The following CTNNA3 variants were observed in gnomAD, a reference collection of about 807,000 sequenced individuals.
CTNNA3 encodes the protein catenin alpha 3.
A neutral mutation model predicts 95.7 loss-of-function variants in CTNNA3; 76 were observed. The observed-to-expected ratio is 0.79, with a 90% CI of 0.66 to 0.96. The LOEUF (loss-of-function observed/expected upper bound fraction) is 0.96, where lower values mean the gene tolerates loss of function less well. Ranked by LOEUF, CTNNA3 falls within the 40% of genes least tolerant of loss-of-function variation. The probability of loss-of-function intolerance (pLI) is 0.00; values close to 1 mark genes in which losing one functional copy is unlikely to be tolerated. For synonymous variants in CTNNA3, 431 were observed against 374.4 expected (o/e 1.15, Z -1.74); for missense variants, 1,191 against 1,089.8 (o/e 1.09, Z -1.31).
chr10:66,094,487 A>C (rs1042744989), intron 14 of CTNNA3, among the ~76,000 whole-genome samples: 2 of 152,122 alleles, frequency 1.3e-5, no homozygotes, highest in African/African-American at 2.4e-5. Context: ...GGCAGGAGAC[A>C]AGTTAGGAAC....
intron 5 of CTNNA3, among the ~76,000 whole-genome samples, chr10:67,465,431 AGAGGAAAACGAT>A (rs1319285600): frequency 6.6e-6 from 1 of 152,164 alleles, no homozygotes; most frequent in Admixed American, 6.5e-5. Flanking sequence ...AAAGGAAAAG[AGAGGAAAACGAT>A]GAGGCTAGAA....
At chr10:66,154,718 T>TTATATATATATATATATATATATATA (rs1564706824) in intron 13 of CTNNA3, among the ~76,000 whole-genome samples, 13 of 16,404 alleles carry the variant, frequency 7.9e-4, no homozygotes, top group African/African-American at 2.5e-3. Context: ...TTGAAAAAGT[T>TTATATATATATATATATATATATATA]CATATATATA....
chr10:67,739,167 A>T (rs1010700423), intron 1 of CTNNA3, among the ~76,000 whole-genome samples: 41 of 152,274 alleles, frequency 2.7e-4, no homozygotes, highest in Middle Eastern at 3.4e-3. Flanking sequence ...GAAATGAAGG[A>T]AAAAATGGTA....
At chr10:66,886,550 T>C (rs1049454017) in intron 7 of CTNNA3, among the ~76,000 whole-genome samples, 1 of 152,172 alleles carries the variant, frequency 6.6e-6, no homozygotes, top group Admixed American at 6.5e-5. Context: ...TTCACTGTTA[T>C]CTGCTCATAG....
chr10:67,297,488 T>A (rs1033401464), intron 5 of CTNNA3, among the ~76,000 whole-genome samples: 2 of 152,214 alleles, frequency 1.3e-5, no homozygotes, highest in African/African-American at 4.8e-5. Flanking sequence ...CTGCATAGGT[T>A]ACACCTATCC....
intron 7 of CTNNA3, among the ~76,000 whole-genome samples, chr10:66,785,484 G>A (rs1840705740): frequency 1.3e-5 from 2 of 152,144 alleles, no homozygotes; most frequent in East Asian, 3.9e-4. Flanking sequence ...CTCTTCTCCA[G>A]CTGTGACATG....
At chr10:66,425,346 T>G (rs1044429049) in intron 11 of CTNNA3, among the ~76,000 whole-genome samples, 1 of 151,974 alleles carries the variant, frequency 6.6e-6, no homozygotes, top group Non-Finnish European at 1.5e-5. Context: ...TTTAAACTGA[T>G]CTCTATGATC....
intron 11 of CTNNA3, among the ~76,000 whole-genome samples, chr10:66,484,555 G>T (rs566607115): frequency 6.6e-6 from 1 of 152,100 alleles, no homozygotes; most frequent in African/African-American, 2.4e-5. Flanking sequence ...AACAGAGAAA[G>T]ATATGCAATC....
chr10:67,509,715 G>C (rs944640789), intron 5 of CTNNA3, among the ~76,000 whole-genome samples: 1 of 152,140 alleles, frequency 6.6e-6, no homozygotes, highest in African/African-American at 2.4e-5. Context: ...CCAGTAATGG[G>C]GTTGCTGGAT....
chr10:66,358,035 A>G (rs1217944603), intron 12 of CTNNA3, among the ~76,000 whole-genome samples: 1 of 152,180 alleles, frequency 6.6e-6, no homozygotes, highest in Non-Finnish European at 1.5e-5. Flanking sequence ...GTATGTGCAT[A>G]GACGTGTTTG....
intron 2 of CTNNA3, among the ~76,000 whole-genome samples, chr10:67,619,596 T>A (rs961459346): frequency 6.6e-6 from 1 of 152,200 alleles, no homozygotes; most frequent in Non-Finnish European, 1.5e-5. Flanking sequence ...ATAGACTAGA[T>A]CACAGTTTTA....
chr10:66,114,897 A>G (rs929109260), intron 13 of CTNNA3, among the ~76,000 whole-genome samples: 1 of 151,946 alleles, frequency 6.6e-6, no homozygotes, highest in African/African-American at 2.4e-5. Flanking sequence ...AAAGAAAAAG[A>G]AAAAGTAAAA....
intron 7 of CTNNA3, among the ~76,000 whole-genome samples, chr10:67,066,014 T>A (rs1015210336): frequency 1.3e-5 from 2 of 152,046 alleles, no homozygotes; most frequent in African/African-American, 4.8e-5. Context: ...TTATTAGAAA[T>A]AATAATTGCT....
intron 11 of CTNNA3, among the ~76,000 whole-genome samples, chr10:66,504,011 C>A (rs1037443212): frequency 2.0e-5 from 3 of 151,938 alleles, no homozygotes; most frequent in Non-Finnish European, 1.5e-5. Context: ...CTAAATCAAG[C>A]GAATTAACAT....
chr10:66,056,675 T>A (rs1450832916), intron 15 of CTNNA3, among the ~76,000 whole-genome samples: 1 of 152,196 alleles, frequency 6.6e-6, no homozygotes, highest in Non-Finnish European at 1.5e-5. Flanking sequence ...ATTTCTTTTA[T>A]GGGAGACTTC....
chr10:66,748,989 T>G (rs1275711134), intron 9 of CTNNA3, among the ~76,000 whole-genome samples: 1 of 149,644 alleles, frequency 6.7e-6, no homozygotes, highest in Non-Finnish European at 1.5e-5. Context: ...CTGGCCAACA[T>G]AGTGAAACCC....
At position 66,775,524 on chromosome 10, in the gene CTNNA3, C is replaced by T. The variant is rs755758752; in HGVS notation, c.1048G>A (p.Ala350Thr). The T allele has an allele frequency of 2.5e-6, 4 of 1,602,850 alleles. No individual in the cohort carries two copies. The highest frequency in any genetic ancestry group is 1.7e-5 in the Admixed American group (1 of 58,040). ...QDLLSEYMNNAGKKERSNTLN... is the reference protein window; with the variant it reads ...QDLLSEYMNNTGKKERSNTLN... ...GTATTACTCCTTTCTTTTTTTCCAG[C>T]CTGCAAAGAAGAAAAAACGACATAA... The change falls in exon 8 of 18, where the codon GCT becomes ACT. Residue 350 changes from alanine (A) to threonine (T), a missense_variant and splice_region_variant. By Grantham distance (58) the Ala-to-Thr change is moderately conservative (BLOSUM62 0). Transcript: ENST00000433211.
At chr10:67,002,105 G>A (rs555386215) in intron 7 of CTNNA3, among the ~76,000 whole-genome samples, 8 of 152,134 alleles carry the variant, frequency 5.3e-5, no homozygotes, top group Admixed American at 3.3e-4. Flanking sequence ...AAATGAGATC[G>A]TTGGATTCAA....
At chr10:67,718,788 G>A (rs1241521413) in intron 1 of CTNNA3, among the ~76,000 whole-genome samples, 2 of 152,156 alleles carry the variant, frequency 1.3e-5, no homozygotes, top group African/African-American at 2.4e-5. Context: ...TCTCTGCCAG[G>A]TTTAGGTATC....
Sources: gnomAD v4.1 joint callset for allele counts (sites outside exome capture counted in the v4.1 genomes callset) on GRCh38, gnomAD v4.1.1 for gene constraint, MANE v1.5 for transcripts, NCBI Gene and HGNC (gene_info 2026-07-23, HGNC 2026-07-21) for gene names.